SNTG1: variants seen among roughly 807,000 people sequenced by gnomAD.
SNTG1 encodes syntrophin gamma 1.
SNTG1 carries 39 observed loss-of-function variants against 74.7 expected under a neutral mutation model. The observed-to-expected ratio is 0.52, with a 90% CI of 0.40 to 0.68. The LOEUF (loss-of-function observed/expected upper bound fraction) is 0.68. Ranked by LOEUF, SNTG1 falls within the 30% of genes least tolerant of loss-of-function variation. The probability of loss-of-function intolerance (pLI) is 0.00; values close to 1 mark genes in which losing one functional copy is unlikely to be tolerated. For missense variants in SNTG1, 685 were observed against 609.5 expected, an observed-to-expected ratio of 1.12 and a Z score of -1.30; for synonymous variants, 254 against 217.1, an observed-to-expected ratio of 1.17 and a Z score of -1.49.
At chr8:50,444,917 T>C (rs1174690382) in intron 5 of SNTG1, among the ~76,000 whole-genome samples, 11 of 152,314 alleles carry the variant, frequency 7.2e-5, no homozygotes, top group Admixed American at 7.2e-4. Context: ...TCCAATACCA[T>C]ACAATTTACC....
chr8:49,938,613 T>TTCTTTCTTTCTTTCTTTCTTTCTC, intron 1 of SNTG1, among the ~76,000 whole-genome samples: 2 of 123,718 alleles, frequency 1.6e-5, no homozygotes, highest in African/African-American at 8.2e-5. Flanking sequence ...TTTTCTTTCT[T>TTCTTTCTTTCTTTCTTTCTTTCTC]TCTTTCTTTC....
At chr8:50,015,843 G>T (rs1042910311) in intron 1 of SNTG1, among the ~76,000 whole-genome samples, 2 of 152,116 alleles carry the variant, frequency 1.3e-5, no homozygotes, top group African/African-American at 4.8e-5. Flanking sequence ...AAATGGTTGG[G>T]CTGCTTGAAG....
intron 2 of SNTG1, among the ~76,000 whole-genome samples, chr8:50,194,217 T>C (rs993614774): frequency 1.3e-5 from 2 of 152,154 alleles, no homozygotes; most frequent in African/African-American, 2.4e-5. Context: ...TCTTCCTCTA[T>C]CTTGTGGAAT....
At chr8:50,035,242 G>T (rs991146257) in intron 1 of SNTG1, among the ~76,000 whole-genome samples, 3 of 152,132 alleles carry the variant, frequency 2.0e-5, no homozygotes, top group African/African-American at 4.8e-5. Context: ...GGTATTTCTT[G>T]AATAAAAGAA....
At chr8:49,933,448 A>G (rs1807777318) in intron 1 of SNTG1, among the ~76,000 whole-genome samples, 1 of 152,170 alleles carries the variant, frequency 6.6e-6, no homozygotes, top group Admixed American at 6.6e-5. Context: ...TGAGAATTTA[A>G]CAGTTTAGCT....
At chr8:50,040,303 T>C (rs1253919098) in intron 1 of SNTG1, among the ~76,000 whole-genome samples, 1 of 152,162 alleles carries the variant, frequency 6.6e-6, no homozygotes, top group Non-Finnish European at 1.5e-5. Context: ...TTTATAAAAA[T>C]TATATATGTA....
At chr8:50,400,142 G>A (rs2092783673) in intron 3 of SNTG1, among the ~76,000 whole-genome samples, 1 of 152,160 alleles carries the variant, frequency 6.6e-6, no homozygotes. Context: ...TAAAGTAGCA[G>A]ACTCCCAGCA....
chr8:50,484,035 G>A (rs1379424746), intron 8 of SNTG1, among the ~76,000 whole-genome samples: 1 of 152,000 alleles, frequency 6.6e-6, no homozygotes, highest in Non-Finnish European at 1.5e-5. Context: ...ATATATGTAT[G>A]AGGCTTTAAG....
intron 2 of SNTG1, among the ~76,000 whole-genome samples, chr8:50,202,112 C>A (rs1198807999): frequency 6.6e-6 from 1 of 152,140 alleles, no homozygotes; most frequent in Non-Finnish European, 1.5e-5. Context: ...CCAACCCCAT[C>A]AATGAGGTTG....
chr8:50,156,147 C>T (rs940602507), intron 1 of SNTG1, among the ~76,000 whole-genome samples: 5 of 152,162 alleles, frequency 3.3e-5, no homozygotes, highest in African/African-American at 1.2e-4. Context: ...TGCCCCTATA[C>T]ACAAAACACC....
At chr8:50,049,740 A>G (rs1216503476) in intron 1 of SNTG1, among the ~76,000 whole-genome samples, 3 of 152,154 alleles carry the variant, frequency 2.0e-5, no homozygotes, top group Non-Finnish European at 4.4e-5. Context: ...TTAAAATAAT[A>G]GAAACATACA....
chr8:50,090,922 A>C lies in SNTG1; in HGVS notation c.-102-81639A>C, dbSNP rs2079708193. Among the ~76,000 whole-genome samples the C allele has an allele frequency of 5.3e-5, 8 of 152,158 alleles. No homozygotes were observed. The South Asian group carries it at 1.7e-3, about 31-fold the overall frequency. On this transcript the variant is annotated intron_variant, in intron 1 of 18. Coordinates refer to ENST00000642720, the MANE Select transcript of SNTG1 (RefSeq NM_018967.5). Reference sequence around the variant, plus strand: ...CCACAATGGGGCCCTTGTTAAAATTATGCTTTTGGAAAATTTATATAGAAA... The same window carrying C: ...CCACAATGGGGCCCTTGTTAAAATTCTGCTTTTGGAAAATTTATATAGAAA...
intron 1 of SNTG1, among the ~76,000 whole-genome samples, chr8:50,053,151 A>C (rs1819721267): frequency 6.6e-6 from 1 of 152,156 alleles, no homozygotes; most frequent in Non-Finnish European, 1.5e-5. Flanking sequence ...GGAATTACGC[A>C]CCATAGTTAC....
chr8:50,427,192 T>A (rs2093174143), intron 4 of SNTG1, among the ~76,000 whole-genome samples: 2 of 152,160 alleles, frequency 1.3e-5, no homozygotes, highest in Non-Finnish European at 2.9e-5. Flanking sequence ...CTTAGTTTTG[T>A]GGTAATTCAC....
At chr8:50,669,799 A>T (rs1318147898) in intron 15 of SNTG1, among the ~76,000 whole-genome samples, 2 of 152,230 alleles carry the variant, frequency 1.3e-5, no homozygotes, top group African/African-American at 4.8e-5. Context: ...TCAATAAAAT[A>T]CTGGCAAACC....
At chr8:50,288,713 G>T (rs1442992866) in intron 2 of SNTG1, among the ~76,000 whole-genome samples, 1 of 152,086 alleles carries the variant, frequency 6.6e-6, no homozygotes, top group African/African-American at 2.4e-5. Flanking sequence ...AAAAGGATAG[G>T]ATAAACAGAA....
chr8:50,303,901 T>C (rs2089762459), intron 2 of SNTG1, among the ~76,000 whole-genome samples: 1 of 151,234 alleles, frequency 6.6e-6, no homozygotes, highest in Non-Finnish European at 1.5e-5. Flanking sequence ...TCATATTGAA[T>C]TGCCAAGCTG....
chr8:49,950,524 G>A (rs145058519), intron 1 of SNTG1, among the ~76,000 whole-genome samples: 2 of 152,106 alleles, frequency 1.3e-5, no homozygotes, highest in Non-Finnish European at 2.9e-5. Flanking sequence ...TAATATGCCA[G>A]TATTTTGTCA....
chr8:50,383,383 G>A (rs79570159), intron 2 of SNTG1, among the ~76,000 whole-genome samples: 1 of 152,142 alleles, frequency 6.6e-6, no homozygotes, highest in African/African-American at 2.4e-5. Context: ...TCTTATGTTA[G>A]ATGATAAGGG....
Sources: allele counts gnomAD v4.1 joint callset (sites outside exome capture counted in the v4.1 genomes callset), GRCh38; gene constraint gnomAD v4.1.1; transcripts MANE v1.5; gene names NCBI Gene and HGNC (gene_info 2026-07-23, HGNC 2026-07-21).